FCHSD2: variants seen among roughly 807,000 people sequenced by gnomAD.
FCHSD2 encodes F-BAR and double SH3 domains protein 2.
A neutral mutation model predicts 108.1 loss-of-function variants in FCHSD2; 38 were observed. The ratio of observed to expected loss-of-function variants is 0.35; its 90% confidence interval spans 0.27 to 0.46. FCHSD2 has a LOEUF of 0.46. Among genes scored for constraint, FCHSD2 ranks in the 20% least tolerant of loss-of-function variants. The probability of loss-of-function intolerance (pLI) is 1.00; values close to 1 mark genes in which losing one functional copy is unlikely to be tolerated. For synonymous variants in FCHSD2, 279 were observed against 314.7 expected, an observed-to-expected ratio of 0.89 and a Z score of 1.20; for missense variants, 751 against 897.8, an observed-to-expected ratio of 0.84 and a Z score of 2.09.
chr11:72,968,678 CA>C (rs1856957021), intron 8 of FCHSD2, among the ~76,000 whole-genome samples: 1 of 152,210 alleles, frequency 6.6e-6, no homozygotes, highest in African/African-American at 2.4e-5. Context: ...AGAAGCCCTG[CA>C]AACTTTCTCT....
intron 2 of FCHSD2, among the ~76,000 whole-genome samples, chr11:73,085,182 A>G (rs2135516127): frequency 6.6e-6 from 1 of 152,326 alleles, no homozygotes; most frequent in African/African-American, 2.4e-5. Context: ...CTTATTCAAG[A>G]GTGCTTCAAA....
intron 10 of FCHSD2, among the ~76,000 whole-genome samples, chr11:72,900,589 T>C (rs993607527): frequency 7.2e-5 from 11 of 151,962 alleles, no homozygotes; most frequent in Non-Finnish European, 1.3e-4. Flanking sequence ...CTGTATCTTC[T>C]AATGCTCTGC....
intron 5 of FCHSD2, among the ~76,000 whole-genome samples, chr11:72,992,744 TACAA>T (rs1360902042): frequency 6.6e-6 from 1 of 152,168 alleles, no homozygotes; most frequent in Non-Finnish European, 1.5e-5. Flanking sequence ...TTACACCTTA[TACAA>T]AAATTAATTC....
chr11:72,893,611 A>G (rs1439787226), intron 10 of FCHSD2, among the ~76,000 whole-genome samples: 1 of 152,174 alleles, frequency 6.6e-6, no homozygotes, highest in Non-Finnish European at 1.5e-5. Context: ...CACTATGCCC[A>G]GCCCAATATT....
intron 3 of FCHSD2, among the ~76,000 whole-genome samples, chr11:73,033,919 C>T (rs972194815): frequency 2.6e-5 from 4 of 151,640 alleles, no homozygotes; most frequent in African/African-American, 4.9e-5. Context: ...ACGCTTATGA[C>T]ACAGAAACAT....
chr11:72,915,955 C>T (rs1855864342), intron 9 of FCHSD2, among the ~76,000 whole-genome samples: 1 of 152,156 alleles, frequency 6.6e-6, no homozygotes, highest in East Asian at 1.9e-4. Context: ...CCTTAGCAAA[C>T]TAATGTAGGA....
chr11:72,916,357 T>A (rs1855874432), intron 9 of FCHSD2, among the ~76,000 whole-genome samples: 1 of 148,252 alleles, frequency 6.7e-6, no homozygotes, highest in African/African-American at 2.5e-5. Context: ...TCACCCAGGC[T>A]ACAGTACAGT....
chr11:73,116,966 T>C (rs570085312), intron 2 of FCHSD2, among the ~76,000 whole-genome samples: 9 of 152,224 alleles, frequency 5.9e-5, no homozygotes, highest in African/African-American at 1.2e-4. Flanking sequence ...AAAATCACTA[T>C]TGTTATATCT....
intron 4 of FCHSD2, among the ~76,000 whole-genome samples, chr11:73,006,304 C>G (rs60718050): frequency 0.014 from 2,088 of 152,164 alleles, 46 homozygotes; most frequent in African/African-American, 0.048. Context: ...CACCTTTACA[C>G]CTAACATGTA....
chr11:72,872,360 C>A (rs1591359694), intron 12 of FCHSD2, among the ~76,000 whole-genome samples: 3 of 146,748 alleles, frequency 2.0e-5, no homozygotes, highest in African/African-American at 7.6e-5. Flanking sequence ...ACAGTATATT[C>A]ATAGTACATG....
chr11:72,882,174 G>A (rs777511606), intron 12 of FCHSD2, among the ~76,000 whole-genome samples: 29 of 151,788 alleles, frequency 1.9e-4, no homozygotes, highest in Admixed American at 7.2e-4. Flanking sequence ...TGGGCATGGT[G>A]GCTCATGCCT....
At chr11:72,995,251 T>C (rs1009927818) in intron 5 of FCHSD2, among the ~76,000 whole-genome samples, 4 of 152,124 alleles carry the variant, frequency 2.6e-5, no homozygotes, top group Non-Finnish European at 5.9e-5. Context: ...TCCCCCTAAA[T>C]TGTAATAGTA....
chr11:72,931,945 C>T (rs1856202072), intron 8 of FCHSD2, among the ~76,000 whole-genome samples: 1 of 152,182 alleles, frequency 6.6e-6, no homozygotes, highest in African/African-American at 2.4e-5. Context: ...ATCAGACTGA[C>T]TTATATTTTG....
chr11:73,089,926 C>T (rs998336433), intron 2 of FCHSD2, among the ~76,000 whole-genome samples: 1 of 151,960 alleles, frequency 6.6e-6, no homozygotes, highest in Non-Finnish European at 1.5e-5. Context: ...CTACCCTTAC[C>T]AGATGTTAAA....
chr11:72,989,017 A>G lies in FCHSD2; in HGVS notation c.468T>C (p.Phe156=). The change falls in exon 6 of 20, where the codon TTT becomes TTC. Residue 156 remains phenylalanine (F), a synonymous_variant. Coordinates refer to ENST00000409418, the MANE Select transcript of FCHSD2 (RefSeq NM_014824.3). ...KDLAKGKKKY[F]ETEQMAHAVR... is the part of the protein sequence containing the mutation. ...CTGCATGAGCCATCTGTTCAGTCTC[A>G]AAGTATTTCTTTTTGCCTTTAGCTA... 6.2e-7 allele frequency: 1 copy of G among 1,612,260 alleles called. No individual in the cohort carries two copies. Among genetic ancestry groups the G allele is most frequent in the Non-Finnish European group, 8.5e-7 (1 of 1,178,970 alleles).
chr11:72,951,681 C>G (rs1307139620), intron 8 of FCHSD2, among the ~76,000 whole-genome samples: 1 of 152,194 alleles, frequency 6.6e-6, no homozygotes, highest in Non-Finnish European at 1.5e-5. Context: ...AAACCTATAA[C>G]TTACTTTGGC....
At chr11:73,116,608 A>G (rs1565098067) in intron 2 of FCHSD2, among the ~76,000 whole-genome samples, 1 of 152,040 alleles carries the variant, frequency 6.6e-6, no homozygotes, top group Non-Finnish European at 1.5e-5. Flanking sequence ...TTGTGTGGTC[A>G]TAACTCACTA....
chr11:72,924,679 C>CTT (rs200855476), intron 8 of FCHSD2, among the ~76,000 whole-genome samples: 18 of 138,488 alleles, frequency 1.3e-4, no homozygotes, highest in Admixed American at 3.6e-4. Context: ...TTCCATTAAA[C>CTT]TTTTTTTTTT....
At chr11:72,849,188 G>A (rs1861222712) in intron 14 of FCHSD2, among the ~76,000 whole-genome samples, 1 of 152,108 alleles carries the variant, frequency 6.6e-6, no homozygotes, top group Non-Finnish European at 1.5e-5. Context: ...CAGAACAGGG[G>A]CAAGAGAAGA....
Sources: gnomAD v4.1 joint callset for allele counts (sites outside exome capture counted in the v4.1 genomes callset) on GRCh38, gnomAD v4.1.1 for gene constraint, MANE v1.5 for transcripts, NCBI Gene and HGNC (gene_info 2026-07-23, HGNC 2026-07-21) for gene names.